The following NAALADL2 variants were observed in gnomAD, a reference collection of about 807,000 sequenced individuals.
The protein encoded by NAALADL2 is N-acetylated alpha-linked acidic dipeptidase like 2.
NAALADL2 carries 76 observed loss-of-function variants against 87.2 expected under a neutral mutation model. The observed-to-expected ratio is 0.87, with a 90% CI of 0.72 to 1.05. NAALADL2 has a LOEUF of 1.05. NAALADL2 is among the 50% of genes least tolerant of loss of function. The pLI, the probability that NAALADL2 is intolerant of heterozygous loss-of-function variation, is 0.00. For missense variants in NAALADL2, 1,089 were observed against 945.8 expected, an observed-to-expected ratio of 1.15 and a Z score of -1.99; for synonymous variants, 354 against 331.0, an observed-to-expected ratio of 1.07 and a Z score of -0.75.
Position 175,314,692 on chromosome 3 carries a change from A to AGTTCTAAC in NAALADL2, c.940-9483_940-9482insGTTCTAAC, listed in dbSNP as rs1450498023. On this transcript the variant is annotated intron_variant, in intron 4 of 13. Coordinates refer to ENST00000454872, the MANE Select transcript of NAALADL2 (RefSeq NM_207015.3). Reference sequence around the variant, plus strand: ...TATATATATATATATATATATATATATATATATATATATATATATATATAT... The same window carrying AGTTCTAAC: ...TATATATATATATATATATATATATAGTTCTAACTATATATATATATATATATATATAT... Among the ~76,000 whole-genome samples the AGTTCTAAC allele has an allele frequency of 2.0e-3, 134 of 68,318 alleles. 2 individuals are homozygous for AGTTCTAAC. Among genetic ancestry groups the AGTTCTAAC allele is most frequent in the African/African-American group, 6.2e-3 (103 of 16,706 alleles). 44.8% of individuals were successfully genotyped at this position (68,318 alleles called of 152,430 possible).
intron 2 of NAALADL2, among the ~76,000 whole-genome samples, chr3:174,555,349 G>A (rs1712642725): frequency 6.6e-6 from 1 of 152,210 alleles, no homozygotes. Context: ...GCCCAGCCTG[G>A]AGTGCAATGG....
chr3:174,903,319 G>A (rs1040935897), intron 1 of NAALADL2, among the ~76,000 whole-genome samples: 2 of 152,040 alleles, frequency 1.3e-5, no homozygotes, highest in Non-Finnish European at 2.9e-5. Context: ...AATCTGTAGT[G>A]TTTTAAAGTG....
intron 1 of NAALADL2, among the ~76,000 whole-genome samples, chr3:175,038,520 C>T (rs560333242): frequency 6.0e-4 from 92 of 152,218 alleles, no homozygotes; most frequent in South Asian, 1.2e-3. Context: ...CATAAAGATA[C>T]CACAAAAATT....
rs572317967 is a variant in NAALADL2 at position 174,468,914 on chromosome 3, C to G, written c.-184+27882C>G. ...AGTAGCTGGGATTACAGGCACCCAC[C>G]ACCATGCCTGGCTAAATTTTGTACT... On this transcript the variant is annotated intron_variant, in intron 1 of 3. Coordinates refer to the NAALADL2 transcript ENST00000434257. Among the ~76,000 whole-genome samples, 16 of 151,674 alleles carry G rather than the reference C, an allele frequency of 1.1e-4. No homozygotes were observed. In the South Asian group the frequency reaches 3.3e-3, roughly 32 times the overall value.
intron 1 of NAALADL2, among the ~76,000 whole-genome samples, chr3:174,452,068 C>A (rs527653139): frequency 3.1e-4 from 47 of 151,826 alleles, no homozygotes; most frequent in African/African-American, 1.1e-3. Context: ...GTCTCGAACT[C>A]CTGGCCTCGA....
intron 11 of NAALADL2, among the ~76,000 whole-genome samples, chr3:175,698,885 A>G (rs1021261082): frequency 2.0e-5 from 3 of 151,934 alleles, no homozygotes; most frequent in Non-Finnish European, 4.4e-5. Context: ...ACAGCATGAT[A>G]GAAATCCAAA....
intron 1 of NAALADL2, among the ~76,000 whole-genome samples, chr3:175,054,845 A>T (rs928843015): frequency 2.6e-5 from 4 of 152,320 alleles, no homozygotes; most frequent in African/African-American, 9.6e-5. Context: ...CTCTGGAATT[A>T]TAACTTGTAC....
At chr3:174,559,834 G>A (rs953592637) in intron 2 of NAALADL2, among the ~76,000 whole-genome samples, 3 of 152,052 alleles carry the variant, frequency 2.0e-5, no homozygotes, top group South Asian at 2.1e-4. Context: ...GTCACATTGA[G>A]GATTAAGATT....
chr3:175,054,969 T>G (rs1225052789), intron 1 of NAALADL2, among the ~76,000 whole-genome samples: 1 of 149,900 alleles, frequency 6.7e-6, no homozygotes, highest in African/African-American at 2.4e-5. Context: ...ATGACTACTT[T>G]GATATACTTC....
chr3:175,591,872 A>G (rs1474821429), intron 10 of NAALADL2, among the ~76,000 whole-genome samples: 3 of 150,626 alleles, frequency 2.0e-5, no homozygotes, highest in Admixed American at 6.6e-5. Flanking sequence ...AGATTCCTGG[A>G]CAACATTATG....
intron 1 of NAALADL2, among the ~76,000 whole-genome samples, chr3:174,539,221 C>T (rs1722000110): frequency 6.6e-6 from 1 of 151,986 alleles, no homozygotes; most frequent in Non-Finnish European, 1.5e-5. Flanking sequence ...ATTTATTTAA[C>T]TCTAGAAAAT....
chr3:175,740,612 A>G (rs373685999), intron 12 of NAALADL2, among the ~76,000 whole-genome samples: 14 of 152,326 alleles, frequency 9.2e-5, no homozygotes, highest in African/African-American at 3.4e-4. Flanking sequence ...TTTAAAGACA[A>G]CAGTATTGGT....
At chr3:175,727,725 A>C (rs1201605542) in intron 11 of NAALADL2, among the ~76,000 whole-genome samples, 3 of 152,198 alleles carry the variant, frequency 2.0e-5, no homozygotes, top group Non-Finnish European at 2.9e-5. Flanking sequence ...CAATTTTCCT[A>C]TCTCTTTCTC....
At chr3:174,898,448 G>A (rs1731890355) in intron 1 of NAALADL2, among the ~76,000 whole-genome samples, 1 of 151,620 alleles carries the variant, frequency 6.6e-6, no homozygotes, top group Non-Finnish European at 1.5e-5. Flanking sequence ...AGCACAACAG[G>A]GTGACTATAG....
In NAALADL2 at chr3:175,463,392, T is replaced by C. The variant is rs1412016308; in HGVS notation, c.1235-9T>C. 2.6e-6 allele frequency: 4 copies of C among 1,520,608 alleles called. No individual in the cohort carries two copies. In the African/African-American group the frequency reaches 5.6e-5, roughly 21 times the overall value. The allele number at this position is 1,520,608 out of a possible 1,614,324, so 94.2% of individuals were successfully genotyped here. A position where few individuals can be genotyped will look rare whatever the true frequency, so the allele number is the denominator to read the frequency against. ...AGAAGCAAAAGTCTTTAAATTTTTA[T>C]TTTTTCAGAAATAAGAGTCGTCAGC... On this transcript the variant is annotated splice_polypyrimidine_tract_variant and intron_variant, in intron 6 of 13. Coordinates refer to ENST00000454872, the MANE Select transcript of NAALADL2 (RefSeq NM_207015.3).
intron 2 of NAALADL2, among the ~76,000 whole-genome samples, chr3:174,561,926 A>G (rs1378471274): frequency 6.6e-6 from 1 of 152,170 alleles, no homozygotes; most frequent in Non-Finnish European, 1.5e-5. Context: ...TTATTTTTGT[A>G]AAAATGTTCT....
At chr3:174,706,657 A>T (rs975128616) in intron 2 of NAALADL2, among the ~76,000 whole-genome samples, 27 of 152,134 alleles carry the variant, frequency 1.8e-4, no homozygotes, top group African/African-American at 6.5e-4. Flanking sequence ...CCCATTTGTC[A>T]ATTTTGGCTT....
At chr3:175,185,779 A>G in intron 2 of NAALADL2, among the ~76,000 whole-genome samples, 1 of 150,946 alleles carries the variant, frequency 6.6e-6, no homozygotes, top group East Asian at 1.9e-4. Context: ...CCTTTTGTAT[A>G]TCTAAAATAT....
At chr3:174,695,482 A>G (rs1026597783) in intron 2 of NAALADL2, among the ~76,000 whole-genome samples, 6 of 151,960 alleles carry the variant, frequency 3.9e-5, no homozygotes, top group African/African-American at 9.7e-5. Context: ...TCTCTGCCCA[A>G]TATGACACAA....
Sources: allele counts gnomAD v4.1 joint callset (sites outside exome capture counted in the v4.1 genomes callset), GRCh38; gene constraint gnomAD v4.1.1; transcripts MANE v1.5; gene names NCBI Gene and HGNC (gene_info 2026-07-23, HGNC 2026-07-21).